Variants in CNTNAP2 observed in about 807,000 individuals in gnomAD.
The protein encoded by CNTNAP2 is contactin-associated protein-like 2.
In CNTNAP2, 98 loss-of-function variants were observed where a neutral mutation model predicts 155.2. The observed-to-expected ratio is 0.63, with a 90% confidence interval of 0.54 to 0.75. CNTNAP2 has a LOEUF of 0.75. Among genes scored for constraint, CNTNAP2 ranks in the 30% least tolerant of loss-of-function variants. The pLI is 0.00. For synonymous variants in CNTNAP2, 651 were observed against 631.2 expected (o/e 1.03, Z -0.47); for missense variants, 1,727 against 1,688.1 (o/e 1.02, Z -0.40).
intron 21 of CNTNAP2, among the ~76,000 whole-genome samples, chr7:148,273,143 G>C (rs138979713): frequency 1.3e-5 from 2 of 152,304 alleles, no homozygotes; most frequent in East Asian, 1.9e-4. Context: ...TTCAACAAAG[G>C]CTAAACGGAA....
chr7:147,899,883 A>G, intron 13 of CNTNAP2, among the ~76,000 whole-genome samples: 1 of 134,488 alleles, frequency 7.4e-6, no homozygotes, highest in East Asian at 2.2e-4. Context: ...ACAGAGCCAG[A>G]CTCCATCTCA....
intron 1 of CNTNAP2, among the ~76,000 whole-genome samples, chr7:146,527,243 A>C (rs1438463507): frequency 3.3e-5 from 5 of 152,194 alleles, no homozygotes; most frequent in African/African-American, 1.2e-4. Context: ...GCTTAAAATA[A>C]CACAAGGAAC....
rs149645757 is a variant in CNTNAP2, at chr7:148,272,490, T to C, written c.3475+5364T>C. ...TGGAGAAAGACACAAGTAGCATGTT[T>C]ATTAAGTTTGCAAATGTCACGAAGC... On this transcript the variant is annotated intron_variant, in intron 21 of 23. Coordinates refer to ENST00000361727, the MANE Select transcript of CNTNAP2 (RefSeq NM_014141.6). Among the ~76,000 whole-genome samples, 830 of 152,322 alleles carry C rather than the reference T, an allele frequency of 5.4e-3. 1 individual carries two copies. Among genetic ancestry groups the C allele is most frequent in the South Asian group, 0.013 (63 of 4,826 alleles).
chr7:147,789,312 C>T (rs927683490), intron 13 of CNTNAP2, among the ~76,000 whole-genome samples: 3 of 152,198 alleles, frequency 2.0e-5, no homozygotes, highest in African/African-American at 7.2e-5. Context: ...AACAACCTTT[C>T]ACTTCCTCCA....
At chr7:147,326,550 G>A (rs1320036553) in intron 9 of CNTNAP2, among the ~76,000 whole-genome samples, 1 of 152,140 alleles carries the variant, frequency 6.6e-6, no homozygotes, top group East Asian at 1.9e-4. Context: ...ATATACCCAG[G>A]AGTGGAATTG....
intron 4 of CNTNAP2, among the ~76,000 whole-genome samples, chr7:147,103,165 G>A (rs1800689398): frequency 6.6e-6 from 1 of 152,090 alleles, no homozygotes; most frequent in South Asian, 2.1e-4. Context: ...AATATTCACT[G>A]TTTTTCAGGC....
At chr7:146,739,389 A>T (rs976672545) in intron 1 of CNTNAP2, among the ~76,000 whole-genome samples, 5 of 151,886 alleles carry the variant, frequency 3.3e-5, no homozygotes, top group African/African-American at 1.2e-4. Flanking sequence ...AGTTTTCATG[A>T]ACATTTTTTC....
chr7:147,883,947 G>C (rs1413772503), intron 13 of CNTNAP2, among the ~76,000 whole-genome samples: 1 of 152,094 alleles, frequency 6.6e-6, no homozygotes, highest in Non-Finnish European at 1.5e-5. Context: ...AAACAAAACA[G>C]TATCTAATAT....
chr7:146,739,837 C>T (rs375451231), intron 1 of CNTNAP2, among the ~76,000 whole-genome samples: 2 of 151,860 alleles, frequency 1.3e-5, no homozygotes, highest in African/African-American at 2.4e-5. Flanking sequence ...TGGGTACATA[C>T]GTATTTACAA....
At chr7:147,879,521 C>T (rs1274884885) in intron 13 of CNTNAP2, among the ~76,000 whole-genome samples, 1 of 152,004 alleles carries the variant, frequency 6.6e-6, no homozygotes, top group African/African-American at 2.4e-5. Flanking sequence ...CAAGGGCAGG[C>T]ACAGTCCTGC....
intron 9 of CNTNAP2, among the ~76,000 whole-genome samples, chr7:147,378,831 C>T (rs1796485532): frequency 6.6e-6 from 1 of 151,826 alleles, no homozygotes; most frequent in African/African-American, 2.4e-5. Flanking sequence ...CATTTATTTC[C>T]TTATCAACAA....
At chr7:147,997,229 C>T (rs772037544) in intron 15 of CNTNAP2, among the ~76,000 whole-genome samples, 8 of 152,168 alleles carry the variant, frequency 5.3e-5, no homozygotes, top group Admixed American at 1.3e-4. Flanking sequence ...GGCAGTGTCA[C>T]GATGCCTCCG....
intron 10 of CNTNAP2, among the ~76,000 whole-genome samples, chr7:147,397,260 A>C (rs1271442895): frequency 6.6e-6 from 1 of 152,114 alleles, no homozygotes; most frequent in Non-Finnish European, 1.5e-5. Context: ...TGAGCCATTA[A>C]TAATGTATCA....
At chr7:147,253,863 A>G (rs1804259338) in intron 8 of CNTNAP2, among the ~76,000 whole-genome samples, 1 of 152,162 alleles carries the variant, frequency 6.6e-6, no homozygotes, top group Non-Finnish European at 1.5e-5. Flanking sequence ...CACTGTGCTG[A>G]CATAGTATCT....
intron 3 of CNTNAP2, among the ~76,000 whole-genome samples, chr7:146,883,872 G>GTTGTTCCA (rs1298674087): frequency 3.9e-5 from 6 of 151,990 alleles, no homozygotes; most frequent in African/African-American, 1.4e-4. Context: ...GTTAATGTAA[G>GTTGTTCCA]TTGTTCCACT....
chr7:147,145,483 A>G (rs1413580732), intron 8 of CNTNAP2, among the ~76,000 whole-genome samples: 3 of 152,170 alleles, frequency 2.0e-5, no homozygotes, highest in Non-Finnish European at 4.4e-5. Flanking sequence ...AATAGCATGC[A>G]GGTTGACCAC....
chr7:147,866,765 TTTG>T (rs201107896), intron 13 of CNTNAP2, among the ~76,000 whole-genome samples: 5,530 of 151,558 alleles, frequency 0.036, 166 homozygotes, highest in Middle Eastern at 0.062. Context: ...TTTTTTGTTT[TTTG>T]TTGTTGTTGT....
At chr7:148,331,124 G>A (rs1355881427) in intron 21 of CNTNAP2, among the ~76,000 whole-genome samples, 11 of 138,572 alleles carry the variant, frequency 7.9e-5, no homozygotes, top group Non-Finnish European at 1.4e-4. Flanking sequence ...CAATGGATGG[G>A]ATGGGTGGAT....
chr7:147,161,762 G>A (rs1425399900), intron 8 of CNTNAP2: 1 of 152,088 alleles, frequency 6.6e-6, no homozygotes. Flanking sequence ...ATCCATTCTA[G>A]CATGTCCTTT....
Sources: gnomAD v4.1 joint callset for allele counts (sites outside exome capture counted in the v4.1 genomes callset) on GRCh38, gnomAD v4.1.1 for gene constraint, MANE v1.5 for transcripts, NCBI Gene and HGNC (gene_info 2026-07-23, HGNC 2026-07-21) for gene names.